Variants in GGCT observed in about 807,000 individuals in gnomAD.
The protein encoded by GGCT is cytochrome c-releasing factor 21.
A neutral mutation model predicts 22.1 loss-of-function variants in GGCT; 20 were observed. The observed-to-expected ratio is 0.91, with a 90% CI of 0.64 to 1.32. GGCT has a LOEUF of 1.32. GGCT is among the 40% of genes most tolerant of loss of function. GGCT has a pLI of 0.00. For missense variants in GGCT, 209 were observed against 223.5 expected (o/e 0.94, Z 0.41); for synonymous variants, 72 against 78.4 (o/e 0.92, Z 0.43).
At chr7:30,497,960 G>A in intron 3 of GGCT, 7 of 768,524 alleles carry the variant, frequency 9.1e-6, no homozygotes, top group East Asian at 6.7e-5. Context: ...AATGAATCTT[G>A]GTATTCATAA....
chr7:30,500,760 T>C, intron 1 of GGCT, 79 bp from the exon 2 acceptor site: 2 of 1,144,914 alleles, frequency 1.7e-6, no homozygotes, highest in Non-Finnish European at 1.3e-6. Context: ...AGGATTTACC[T>C]TGAACTCCAT....
intron 1 of GGCT, among the ~76,000 whole-genome samples, chr7:30,501,753 T>G (rs1191232150): frequency 6.6e-6 from 1 of 152,250 alleles, no homozygotes; most frequent in African/African-American, 2.4e-5. Context: ...AAAGTTGAAC[T>G]AAACGATAAT....
intron 1 of GGCT, among the ~76,000 whole-genome samples, chr7:30,501,216 CAAT>C (rs1789694374): frequency 6.6e-6 from 1 of 152,142 alleles, no homozygotes; most frequent in South Asian, 2.1e-4. Context: ...AATTTATCTA[CAAT>C]AATCATAAGA....
At chr7:30,499,264 G>A (rs867634335) in intron 2 of GGCT, among the ~76,000 whole-genome samples, 3 of 151,482 alleles carry the variant, frequency 2.0e-5, no homozygotes, top group East Asian at 1.9e-4. Flanking sequence ...AAAATTAGCC[G>A]GGCGTGGTGG....
At chr7:30,498,766 T>A in intron 3 of GGCT, 37 bp downstream of exon 3, 1 of 1,567,702 alleles carries the variant, frequency 6.4e-7, no homozygotes, top group Non-Finnish European at 8.7e-7. Flanking sequence ...TCAGTGAAAT[T>A]TAAAAAGTAA....
At chr7:30,497,750 G>C in intron 3 of GGCT, 1 of 1,403,218 alleles carries the variant, frequency 7.1e-7, no homozygotes, top group Non-Finnish European at 9.4e-7. Flanking sequence ...CCTATTACAG[G>C]TGCCATGACC....
Position 30,504,719 on chromosome 7 carries a change from C to T in GGCT, c.-10G>A, listed in dbSNP as rs1282993716. The T allele has an allele frequency of 1.2e-6, 2 of 1,613,674 alleles. No homozygotes were observed. Among genetic ancestry groups the T allele is most frequent in the Admixed American group, 1.7e-5 (1 of 60,030 alleles). On this transcript the variant is annotated 5_prime_UTR_variant, in exon 1 of 4. Coordinates refer to ENST00000275428, the MANE Select transcript of GGCT (RefSeq NM_024051.4). ...AGCCCGAGTTGGCCATATCCCACTA[C>T]GCCCCTGCACTGGAGCCTGAAGCAG...
intron 1 of GGCT, among the ~76,000 whole-genome samples, chr7:30,504,349 G>A (rs1347804725): frequency 2.6e-5 from 4 of 152,262 alleles, no homozygotes; most frequent in Non-Finnish European, 5.9e-5. Flanking sequence ...AGGCCAGGAG[G>A]GGGAAAGCTC....
At chr7:30,504,509 G>C in intron 1 of GGCT, 60 bp downstream of exon 1, 2 of 1,594,668 alleles carry the variant, frequency 1.3e-6, no homozygotes, top group Non-Finnish European at 1.7e-6. Context: ...GTGTGCCCCC[G>C]AGGAAGCGCC....
At chr7:30,500,763 A>G in intron 1 of GGCT, 82 bp from the exon 2 acceptor site, 1 of 1,100,142 alleles carries the variant, frequency 9.1e-7, no homozygotes, top group Non-Finnish European at 1.3e-6. Context: ...ATTTACCTTG[A>G]ACTCCATGCA....
rs76916768 is a variant in GGCT, at chr7:30,501,573, A to C, written c.142-892T>G. Among the ~76,000 whole-genome samples the C allele has an allele frequency of 2.0e-4, 31 of 152,348 alleles. 1 individual carries two copies. The East Asian group carries it at 5.4e-3, about 27-fold the overall frequency. On this transcript the variant is annotated intron_variant, in intron 1 of 3. Coordinates refer to ENST00000275428, the MANE Select transcript of GGCT (RefSeq NM_024051.4). ...AACTTCTTTCCTCACAGAGGTGGGC[A>C]ATCAGGGGATAGAGTCCTGGGGAAG...
At chr7:30,498,131 C>T (rs1340660279) in intron 3 of GGCT, among the ~76,000 whole-genome samples, 3 of 148,322 alleles carry the variant, frequency 2.0e-5, no homozygotes, top group African/African-American at 7.4e-5. Context: ...TTCTTTCCTA[C>T]TTTAATACAT....
rs548825897 is a variant in GGCT at position 30,504,816 on chromosome 7, C to G, written c.-107G>C. Reference sequence around the variant, plus strand: ...GGCGCAGTGACCGCCGCGCGGCAGCCTCAGGGTTAGGGGACTGGCGGGAAG... The same window carrying G: ...GGCGCAGTGACCGCCGCGCGGCAGCGTCAGGGTTAGGGGACTGGCGGGAAG... On this transcript the variant is annotated 5_prime_UTR_variant, in exon 1 of 4. Transcript: ENST00000275428. 43 of 1,191,222 alleles carry G rather than the reference C, an allele frequency of 3.6e-5. No individual in the cohort carries two copies. Among genetic ancestry groups the G allele is most frequent in the Non-Finnish European group, 4.8e-5 (39 of 816,018 alleles). The allele number at this position is 1,191,222 out of a possible 1,614,324, so 73.8% of individuals were successfully genotyped here. A position where few individuals can be genotyped will look rare whatever the true frequency, so the allele number is the denominator to read the frequency against.
chr7:30,498,006 C>T (rs1177762585), intron 3 of GGCT: 11 of 193,522 alleles, frequency 5.7e-5, no homozygotes, highest in Non-Finnish European at 7.5e-5. Flanking sequence ...ATTACAAAAG[C>T]ATATATATAT....
chr7:30,498,443 A>G (rs187114765), intron 3 of GGCT, among the ~76,000 whole-genome samples: 33 of 152,246 alleles, frequency 2.2e-4, no homozygotes, highest in Admixed American at 9.8e-4. Flanking sequence ...AATTTTTTTG[A>G]GAGTGTCTCA....
Position 30,497,025 on chromosome 7 carries a change from T to A in GGCT, c.*67A>T, listed in dbSNP as rs768650349. On this transcript the variant is annotated 3_prime_UTR_variant, in exon 4 of 4. Transcript: ENST00000275428. ...CAAACGTGGAGATCCCCCAGATCCC[T>A]GTTCTCAAGTGTTAAAAATATTTTA... The A allele has an allele frequency of 2.5e-5, 26 of 1,043,150 alleles. No homozygotes were observed. Among genetic ancestry groups the A allele is most frequent in the African/African-American group, 3.3e-5 (2 of 61,170 alleles). 64.6% of individuals were successfully genotyped at this position (1,043,150 alleles called of 1,614,324 possible).
chr7:30,503,812 A>G (rs940516499), intron 1 of GGCT, among the ~76,000 whole-genome samples: 5 of 99,138 alleles, frequency 5.0e-5, no homozygotes, highest in African/African-American at 2.3e-4. Flanking sequence ...TTTTTTGCTT[A>G]AATCAGCCAG....
intron 1 of GGCT, among the ~76,000 whole-genome samples, chr7:30,502,852 C>T (rs974356337): frequency 5.9e-5 from 9 of 152,230 alleles, no homozygotes; most frequent in Middle Eastern, 6.8e-3. Context: ...TCACTCTTCC[C>T]TCCTTCAAAT....
At position 30,504,730 on chromosome 7, in the gene GGCT, T is replaced by C; in HGVS notation, c.-21A>G. ...GCCATATCCCACTACGCCCCTGCAC[T>C]GGAGCCTGAAGCAGAGTGTAAGGAA... On this transcript the variant is annotated 5_prime_UTR_variant, in exon 1 of 4. Coordinates refer to ENST00000275428, the MANE Select transcript of GGCT (RefSeq NM_024051.4). The C allele has an allele frequency of 1.9e-6, 3 of 1,613,162 alleles. No individual in the cohort carries two copies. The highest frequency in any genetic ancestry group is 1.7e-6 in the Non-Finnish European group (2 of 1,179,236).
Sources: gnomAD v4.1 joint callset for allele counts (sites outside exome capture counted in the v4.1 genomes callset) on GRCh38, gnomAD v4.1.1 for gene constraint, MANE v1.5 for transcripts, NCBI Gene and HGNC (gene_info 2026-07-23, HGNC 2026-07-21) for gene names.